Variants in NCOA2 observed in about 807,000 individuals in gnomAD.
NCOA2 encodes the protein nuclear receptor coactivator 2.
Under a neutral mutation model 145.1 loss-of-function variants are expected in NCOA2, and 21 were observed. The ratio of observed to expected loss-of-function variants is 0.14; its 90% CI spans 0.10 to 0.21. NCOA2 has a LOEUF of 0.21. Among genes scored for constraint, NCOA2 ranks in the 10% least tolerant of loss-of-function variants. The pLI, the probability that NCOA2 is intolerant of heterozygous loss-of-function variation, is 1.00. For missense variants in NCOA2, 1,472 were observed against 1,837.6 expected, an observed-to-expected ratio of 0.80 and a Z score of 3.64; for synonymous variants, 619 against 637.5, an observed-to-expected ratio of 0.97 and a Z score of 0.44.
intron 1 of NCOA2, among the ~76,000 whole-genome samples, chr8:70,368,338 G>T (rs1055466513): frequency 6.6e-6 from 1 of 152,188 alleles, no homozygotes; most frequent in African/African-American, 2.4e-5. Flanking sequence ...ACTAGGCTGG[G>T]ACTTTAACCA....
chr8:70,389,063 T>C (rs1812935072), intron 1 of NCOA2, among the ~76,000 whole-genome samples: 1 of 152,238 alleles, frequency 6.6e-6, no homozygotes, highest in African/African-American at 2.4e-5. Context: ...TCTCATTTTC[T>C]GGGGGTTTTA....
intron 4 of NCOA2, among the ~76,000 whole-genome samples, chr8:70,194,295 C>T (rs1817019596): frequency 2.0e-5 from 3 of 152,154 alleles, no homozygotes; most frequent in African/African-American, 2.4e-5. Context: ...ACACTGCATA[C>T]GGTCTTGTAT....
At chr8:70,355,288 G>C (rs1809580717) in intron 1 of NCOA2, among the ~76,000 whole-genome samples, 1 of 152,180 alleles carries the variant, frequency 6.6e-6, no homozygotes, top group Non-Finnish European at 1.5e-5. Flanking sequence ...AACAGATTCT[G>C]ACTCTGAAAC....
At chr8:70,262,973 T>C (rs1464029143) in intron 2 of NCOA2, among the ~76,000 whole-genome samples, 1 of 151,914 alleles carries the variant, frequency 6.6e-6, no homozygotes, top group Non-Finnish European at 1.5e-5. Context: ...CAATTTCAGA[T>C]AGAAAATTCA....
At chr8:70,423,614 A>T in the NCOA2 span, among the ~76,000 whole-genome samples, 5 of 152,084 alleles carry the variant, frequency 3.3e-5, no homozygotes, top group Admixed American at 6.6e-5. Context: ...GTCTCGCCCT[A>T]ATGAGGGGGA....
intron 1 of NCOA2, among the ~76,000 whole-genome samples, chr8:70,377,064 G>GT (rs11285597): frequency 5.0e-4 from 74 of 146,866 alleles, no homozygotes; most frequent in Non-Finnish European, 7.5e-4. Flanking sequence ...TATACGTTGT[G>GT]TTTTTTTTTT....
intron 1 of NCOA2, among the ~76,000 whole-genome samples, chr8:70,368,238 C>A (rs1279940155): frequency 2.6e-5 from 4 of 152,166 alleles, no homozygotes; most frequent in Non-Finnish European, 5.9e-5. Context: ...GAAAGAAAGA[C>A]AAAGAGAGTG....
chr8:70,277,576 T>TTAA (rs2135413997), intron 2 of NCOA2, among the ~76,000 whole-genome samples: 1 of 152,324 alleles, frequency 6.6e-6, no homozygotes, highest in East Asian at 1.9e-4. Flanking sequence ...TTTGGTAATG[T>TTAA]TAATAGCAGT....
At chr8:70,251,300 T>C (rs990233747) in intron 2 of NCOA2, among the ~76,000 whole-genome samples, 25 of 152,310 alleles carry the variant, frequency 1.6e-4, no homozygotes, top group African/African-American at 5.3e-4. Context: ...TGCAGTAGAT[T>C]ATACCCACAC....
chr8:70,240,845 C>A (rs185688737), intron 2 of NCOA2, among the ~76,000 whole-genome samples: 18 of 152,218 alleles, frequency 1.2e-4, no homozygotes, highest in Admixed American at 1.1e-3. Context: ...CCTCAGAATT[C>A]GCCAGTTCAA....
chr8:70,125,237 A>C (rs879268091), intron 19 of NCOA2, among the ~76,000 whole-genome samples: 3 of 152,174 alleles, frequency 2.0e-5, no homozygotes, highest in Non-Finnish European at 2.9e-5. Flanking sequence ...TCAAAGTATC[A>C]CTGCAATTAG....
At chr8:70,281,657 G>A (rs1825894440) in intron 2 of NCOA2, among the ~76,000 whole-genome samples, 1 of 152,122 alleles carries the variant, frequency 6.6e-6, no homozygotes, top group African/African-American at 2.4e-5. Context: ...AGGCTTCCAG[G>A]AAAAGAGAAA....
intron 1 of NCOA2, among the ~76,000 whole-genome samples, chr8:70,383,656 C>T (rs1190745552): frequency 6.6e-6 from 1 of 152,108 alleles, no homozygotes; most frequent in Non-Finnish European, 1.5e-5. Flanking sequence ...CAGGCATACA[C>T]CACCACACCT....
upstream of NCOA2, among the ~76,000 whole-genome samples, chr8:70,405,446 T>TGTTTG (rs1563856224): frequency 1.7e-5 from 2 of 120,752 alleles, no homozygotes; most frequent in African/African-American, 7.2e-5. Context: ...GGTTTTTTTT[T>TGTTTG]TTTTTTTTTT....
intron 1 of NCOA2, among the ~76,000 whole-genome samples, chr8:70,386,563 C>T (rs1300496673): frequency 6.6e-6 from 1 of 152,098 alleles, no homozygotes; most frequent in Non-Finnish European, 1.5e-5. Context: ...GAGTTCTACA[C>T]ACTGTATATG....
At position 70,150,219 on chromosome 8, in the gene NCOA2, G is replaced by A. The variant is rs74817088; in HGVS notation, c.2395-1736C>T. On this transcript the variant is annotated intron_variant, in intron 11 of 22. Coordinates refer to ENST00000452400, the MANE Select transcript of NCOA2 (RefSeq NM_006540.4). ...CCACTCAATTGTAACAAAAGAGGGA[G>A]GTATCTAATACAGGAGAGTCAGTTA... Among the ~76,000 whole-genome samples, 242 of 152,246 alleles carry A rather than the reference G, an allele frequency of 1.6e-3. 1 individual carries two copies. The highest frequency in any genetic ancestry group is 5.6e-3 in the African/African-American group (233 of 41,528).
intron 4 of NCOA2, among the ~76,000 whole-genome samples, chr8:70,210,376 G>A (rs981233361): frequency 7.9e-5 from 12 of 152,050 alleles, no homozygotes; most frequent in African/African-American, 2.7e-4. Context: ...AATAACTAAG[G>A]ATTATGAATG....
At chr8:70,249,963 C>CAAAAAA (rs747018939) in intron 2 of NCOA2, among the ~76,000 whole-genome samples, 3,453 of 74,822 alleles carry the variant, frequency 0.046, 257 homozygotes, top group Middle Eastern at 0.079. Flanking sequence ...AATCTGCCTC[C>CAAAAAA]AAAAAAAAAA....
intron 1 of NCOA2, among the ~76,000 whole-genome samples, chr8:70,369,777 G>A (rs982856334): frequency 6.6e-6 from 1 of 152,070 alleles, no homozygotes; most frequent in African/African-American, 2.4e-5. Context: ...TGGGCACATA[G>A]TAGATTTTTC....
Sources: gnomAD v4.1 joint callset for allele counts (sites outside exome capture counted in the v4.1 genomes callset) on GRCh38, gnomAD v4.1.1 for gene constraint, MANE v1.5 for transcripts, NCBI Gene and HGNC (gene_info 2026-07-23, HGNC 2026-07-21) for gene names.